The following ABLIM1 variants were observed in gnomAD, a reference collection of about 807,000 sequenced individuals.
ABLIM1 encodes the protein actin binding LIM protein 1, also known as actin-binding LIM protein 1.
ABLIM1 carries 40 observed loss-of-function variants against 107.0 expected under a neutral mutation model. That is an observed-to-expected ratio of 0.37 (90% confidence interval 0.29 to 0.49). The LOEUF (loss-of-function observed/expected upper bound fraction) is 0.49. Ranked by LOEUF, ABLIM1 falls within the 20% of genes least tolerant of loss-of-function variation. ABLIM1 has a pLI of 0.97. For missense variants in ABLIM1, 857 were observed against 1,008.5 expected, an observed-to-expected ratio of 0.85 and a Z score of 2.04; for synonymous variants, 357 against 357.3, an observed-to-expected ratio of 1.00 and a Z score of 0.01.
chr10:114,725,956 TG>T (rs1423456269), intron 1 of ABLIM1, among the ~76,000 whole-genome samples: 1 of 152,068 alleles, frequency 6.6e-6, no homozygotes, highest in African/African-American at 2.4e-5. Flanking sequence ...CTATTTGGCC[TG>T]GGCTGGTCTT....
chr10:114,491,709 C>T, intron 7 of ABLIM1, 82 bp downstream of exon 7: 1 of 1,376,782 alleles, frequency 7.3e-7, no homozygotes, highest in Non-Finnish European at 1.0e-6. Flanking sequence ...ATGCCTCCTT[C>T]TCTAAAAACA....
At chr10:114,755,984 T>A (rs2082620830) in intron 1 of ABLIM1, among the ~76,000 whole-genome samples, 1 of 152,206 alleles carries the variant, frequency 6.6e-6, no homozygotes, top group Admixed American at 6.5e-5. Context: ...AGGATTTCTA[T>A]TTTTTCACTT....
chr10:114,720,733 A>C (rs1040219442), intron 1 of ABLIM1, among the ~76,000 whole-genome samples: 2 of 152,068 alleles, frequency 1.3e-5, no homozygotes, highest in Non-Finnish European at 2.9e-5. Flanking sequence ...ATTGAAATAA[A>C]AAAAAAAAGC....
At chr10:114,545,482 G>T (rs950820589) in intron 5 of ABLIM1, among the ~76,000 whole-genome samples, 1 of 152,148 alleles carries the variant, frequency 6.6e-6, no homozygotes, top group South Asian at 2.1e-4. Flanking sequence ...ACCAGAGAAA[G>T]AATGGTGTTA....
At chr10:114,457,345 T>C (rs943377794) in intron 12 of ABLIM1, among the ~76,000 whole-genome samples, 2 of 152,056 alleles carry the variant, frequency 1.3e-5, no homozygotes, top group South Asian at 2.1e-4. Flanking sequence ...TCTCGGCTCA[T>C]TGTAACCTCC....
chr10:114,617,779 G>A (rs2077222491), intron 1 of ABLIM1, among the ~76,000 whole-genome samples: 1 of 152,080 alleles, frequency 6.6e-6, no homozygotes, highest in Non-Finnish European at 1.5e-5. Flanking sequence ...ATATGGAGTG[G>A]GAAGTATGGG....
At chr10:114,763,152 A>G (rs1440519924) in intron 1 of ABLIM1, among the ~76,000 whole-genome samples, 4 of 152,144 alleles carry the variant, frequency 2.6e-5, no homozygotes, top group Admixed American at 2.6e-4. Flanking sequence ...TGCATGGTGT[A>G]TGTATTTACT....
intron 1 of ABLIM1, among the ~76,000 whole-genome samples, chr10:114,616,737 T>C (rs941109113): frequency 2.0e-5 from 3 of 152,192 alleles, no homozygotes; most frequent in Non-Finnish European, 4.4e-5. Context: ...ATTGGACACA[T>C]TGTCCTGATT....
intron 4 of ABLIM1, among the ~76,000 whole-genome samples, chr10:114,549,289 CAGG>C (rs1271057679): frequency 6.6e-6 from 1 of 152,150 alleles, no homozygotes; most frequent in Non-Finnish European, 1.5e-5. Context: ...GAGGCTGAGG[CAGG>C]AGAATTGCTT....
chr10:114,545,216 C>G, intron 5 of ABLIM1, 118 bp from the exon 6 acceptor site: 2 of 858,124 alleles, frequency 2.3e-6, no homozygotes, highest in Non-Finnish European at 3.9e-6. Flanking sequence ...CTCCCCTGCC[C>G]AGTGTTCACA....
At chr10:114,604,999 T>C (rs947367977) in intron 1 of ABLIM1, among the ~76,000 whole-genome samples, 1 of 152,218 alleles carries the variant, frequency 6.6e-6, no homozygotes, top group Non-Finnish European at 1.5e-5. Context: ...AAATATACAT[T>C]ACACCACAAA....
chr10:114,787,678 G>T, the ABLIM1 span, among the ~76,000 whole-genome samples: 1 of 100,152 alleles, frequency 1.0e-5, no homozygotes, highest in African/African-American at 3.4e-5. Flanking sequence ...CCCTCTGCCC[G>T]GCCAGCCACC....
upstream of ABLIM1, among the ~76,000 whole-genome samples, chr10:114,661,257 C>T (rs2079783824): frequency 6.6e-6 from 1 of 152,080 alleles, no homozygotes; most frequent in African/African-American, 2.4e-5. Flanking sequence ...TAAAGACAAC[C>T]GAACTACATA....
chr10:114,525,670 G>C (rs1025757254), intron 6 of ABLIM1, among the ~76,000 whole-genome samples: 1 of 152,194 alleles, frequency 6.6e-6, no homozygotes, highest in Non-Finnish European at 1.5e-5. Flanking sequence ...GTCAGAACCT[G>C]TTTTGGTAAT....
rs74158053 is a variant in ABLIM1 at position 114,763,180 on chromosome 10, G to A, written c.-213+4881C>T. 3.3e-3 allele frequency among the ~76,000 whole-genome samples: 500 copies of A among 152,226 alleles called. 3 individuals are homozygous for A. The highest frequency in any genetic ancestry group is 0.011 in the African/African-American group (477 of 41,536). On this transcript the variant is annotated intron_variant, in intron 1 of 15. Transcript: ENST00000651092. The stretch of plus-strand genomic sequence containing the variant: ...TATTTACTATTTATTGAATTGGACC[G>A]AAAGCTAACCAGATAGAAAATTGTC...
intron 1 of ABLIM1, among the ~76,000 whole-genome samples, chr10:114,607,748 AAATTGT>A (rs2076524370): frequency 6.6e-6 from 1 of 152,246 alleles, no homozygotes; most frequent in Non-Finnish European, 1.5e-5. Context: ...GTACTCTTCA[AAATTGT>A]AAAGATCATA....
intron 1 of ABLIM1, among the ~76,000 whole-genome samples, chr10:114,623,066 C>T (rs1402048774): frequency 1.3e-5 from 2 of 152,130 alleles, no homozygotes; most frequent in Admixed American, 1.3e-4. Context: ...CTCAAGCCAT[C>T]CTCCCACCTC....
intron 1 of ABLIM1, among the ~76,000 whole-genome samples, chr10:114,652,564 T>C (rs1420398891): frequency 2.6e-5 from 4 of 152,178 alleles, no homozygotes; most frequent in African/African-American, 4.8e-5. Flanking sequence ...TTCTCTCTTC[T>C]GGGATATGAA....
At chr10:114,702,525 CTTTT>C (rs11374796) in intron 1 of ABLIM1, among the ~76,000 whole-genome samples, 1 of 129,580 alleles carries the variant, frequency 7.7e-6, no homozygotes, top group Non-Finnish European at 1.6e-5. Context: ...AGTAAGAACA[CTTTT>C]TTTTTTTTTT....
Sources: allele counts gnomAD v4.1 joint callset (sites outside exome capture counted in the v4.1 genomes callset), GRCh38; gene constraint gnomAD v4.1.1; transcripts MANE v1.5; gene names NCBI Gene and HGNC (gene_info 2026-07-23, HGNC 2026-07-21).